FLT3: variants seen among roughly 807,000 people sequenced by gnomAD.
FLT3 encodes fms related receptor tyrosine kinase 3.
In FLT3, 46 loss-of-function variants were observed where a neutral mutation model predicts 126.6. That is an observed-to-expected ratio of 0.36 (90% CI 0.29 to 0.46). The LOEUF (loss-of-function observed/expected upper bound fraction) is 0.46, where lower values mean the gene tolerates loss of function less well. Among genes scored for constraint, FLT3 ranks in the 20% least tolerant of loss-of-function variants. The probability of loss-of-function intolerance (pLI) is 1.00; values close to 1 mark genes in which losing one functional copy is unlikely to be tolerated. For missense variants in FLT3, 1,069 were observed against 1,190.3 expected (o/e 0.90, Z 1.50); for synonymous variants, 404 against 434.4 (o/e 0.93, Z 0.87).
chr13:28,062,451 A>G (rs1291261061), intron 2 of FLT3, among the ~76,000 whole-genome samples: 2 of 152,150 alleles, frequency 1.3e-5, no homozygotes, highest in Middle Eastern at 3.4e-3. Flanking sequence ...GTGTCCTTAT[A>G]AGAAGAGGAG....
At chr13:28,052,428 A>C in intron 5 of FLT3, 117 bp downstream of exon 5, 8 of 1,121,930 alleles carry the variant, frequency 7.1e-6, no homozygotes, top group Non-Finnish European at 6.4e-6. Flanking sequence ...TTAAGAAGCC[A>C]AAGTTTCCTG....
At chr13:28,068,180 T>C (rs866510498) in intron 2 of FLT3, 4 of 152,824 alleles carry the variant, frequency 2.6e-5, no homozygotes, top group Admixed American at 6.6e-5. Flanking sequence ...TAAGGAGAGA[T>C]AATTTTAGAG....
At chr13:28,092,013 T>G (rs1429455693) in intron 1 of FLT3, among the ~76,000 whole-genome samples, 1 of 152,168 alleles carries the variant, frequency 6.6e-6, no homozygotes, top group Non-Finnish European at 1.5e-5. Flanking sequence ...GAGGTTGCAG[T>G]GAGCCAAGAT....
At position 28,049,606 on chromosome 13, in the gene FLT3, A is replaced by G. The variant is rs374823117; in HGVS notation, c.882+29T>C. The G allele has an allele frequency of 1.9e-5, 31 of 1,613,668 alleles. No individual in the cohort carries two copies. In the African/African-American group the frequency reaches 4.0e-4, roughly 21 times the overall value. On this transcript the variant is annotated intron_variant, in intron 7 of 23. Transcript: ENST00000241453. ...CAGACTATTAGTTAATTGTTCCTGCATTTTCAGAATACAAACTTGTCCTAT... is the reference window on the plus strand; with the variant it reads ...CAGACTATTAGTTAATTGTTCCTGCGTTTTCAGAATACAAACTTGTCCTAT...
intron 16 of FLT3, among the ~76,000 whole-genome samples, chr13:28,027,673 GC>G (rs1566066248): frequency 1.3e-5 from 2 of 152,202 alleles, no homozygotes; most frequent in Non-Finnish European, 2.9e-5. Context: ...CCCCAGGCCT[GC>G]TGCTGCAGAA....
intron 19 of FLT3, among the ~76,000 whole-genome samples, chr13:28,020,393 G>A (rs1227328286): frequency 6.6e-6 from 1 of 152,070 alleles, no homozygotes; most frequent in Non-Finnish European, 1.5e-5. Context: ...CTGTCACCCA[G>A]GCTGGAGTGC....
chr13:28,091,110 A>G (rs1879001158), intron 1 of FLT3, among the ~76,000 whole-genome samples: 1 of 151,664 alleles, frequency 6.6e-6, no homozygotes, highest in African/African-American at 2.4e-5. Context: ...TGTGAGGCAA[A>G]GAGTTGGAGA....
rs1218974636 is a variant in FLT3 at position 28,070,613 on chromosome 13, CTG to C, written c.44-3_44-2del. The stretch of plus-strand genomic sequence containing the variant: ...CCAAATATCATTGCAGAAAAAACAA[CTG>C]TAAAACAAAATAAAAATGATAATGT... On this transcript the variant is annotated splice_acceptor_variant and splice_polypyrimidine_tract_variant and intron_variant, in intron 1 of 23. Coordinates refer to ENST00000241453, the MANE Select transcript of FLT3 (RefSeq NM_004119.3). LOFTEE classifies it high-confidence loss of function. 1.3e-6 allele frequency: 2 copies of C among 1,593,664 alleles called. No individual in the cohort carries two copies. Among genetic ancestry groups the C allele is most frequent in the Non-Finnish European group, 1.7e-6 (2 of 1,165,174 alleles).
intron 1 of FLT3, among the ~76,000 whole-genome samples, chr13:28,072,398 TCTC>T (rs1442545273): frequency 2.6e-5 from 4 of 152,042 alleles, no homozygotes; most frequent in Non-Finnish European, 4.4e-5. Context: ...GCTCTCTCTC[TCTC>T]TTTTTTTTAA....
At chr13:28,004,494 CAA>C (rs974356169) in intron 23 of FLT3, among the ~76,000 whole-genome samples, 19 of 152,004 alleles carry the variant, frequency 1.2e-4, no homozygotes, top group African/African-American at 4.6e-4. Context: ...TTTGTAAAGA[CAA>C]AGTCTCACTA....
intron 15 of FLT3, among the ~76,000 whole-genome samples, chr13:28,032,950 G>T (rs930297932): frequency 6.6e-6 from 1 of 152,188 alleles, no homozygotes; most frequent in Non-Finnish European, 1.5e-5. Context: ...GGTGGTAACG[G>T]TGAGGCCAGC....
chr13:28,049,680 A>G lies in FLT3; in HGVS notation c.837T>C (p.His279=), dbSNP rs140893123. The G allele has an allele frequency of 1.5e-5, 25 of 1,614,070 alleles. No homozygotes were observed. The highest frequency in any genetic ancestry group is 1.9e-5 in the Non-Finnish European group (23 of 1,180,028). The change falls in exon 7 of 24, where the codon CAT becomes CAC. Residue 279 remains histidine (H), a synonymous_variant. Coordinates refer to ENST00000241453, the MANE Select transcript of FLT3 (RefSeq NM_004119.3). ...CTAATTCCCAGGTGAGCCCGAATCC[A>G]TGGTTCACATGAACAGCTTTGCACC... ...WIRCKAVHVN[H]GFGLTWELEN...
At chr13:28,084,795 G>GA (rs1285755281) in intron 1 of FLT3, among the ~76,000 whole-genome samples, 1 of 151,908 alleles carries the variant, frequency 6.6e-6, no homozygotes, top group Non-Finnish European at 1.5e-5. Flanking sequence ...CTAACACGGT[G>GA]AAACCCCGTC....
At chr13:28,034,264 A>T (rs1873628409) in intron 13 of FLT3, 37 bp downstream of exon 13, 1 of 1,613,256 alleles carries the variant, frequency 6.2e-7, no homozygotes, top group South Asian at 1.1e-5. Flanking sequence ...TTCTGCAGAT[A>T]GAGGAAAGAA....
intron 1 of FLT3, among the ~76,000 whole-genome samples, chr13:28,080,308 G>A (rs1206948187): frequency 2.0e-5 from 3 of 152,220 alleles, no homozygotes; most frequent in East Asian, 1.9e-4. Context: ...CCCAGGAGGT[G>A]GAGATTGCAG....
chr13:28,003,966 T>C lies in FLT3; in HGVS notation c.*86A>G. 6.8e-7 allele frequency: 1 copy of C among 1,478,224 alleles called. No individual in the cohort carries two copies. Among genetic ancestry groups the C allele is most frequent in the South Asian group, 1.2e-5 (1 of 86,166 alleles). 91.6% of individuals were successfully genotyped at this position (1,478,224 alleles called of 1,614,324 possible). A position where few individuals can be genotyped will look rare whatever the true frequency, so the allele number is the denominator to read the frequency against. ...CAGCAGTTGATAATAGATTTTCTTT[T>C]AGTGATGAAATTAATCTTGTTTTGG... is the stretch of plus-strand genomic sequence containing the variant. On this transcript the variant is annotated 3_prime_UTR_variant, in exon 24 of 24. Coordinates refer to ENST00000241453, the MANE Select transcript of FLT3 (RefSeq NM_004119.3).
chr13:28,051,907 C>T (rs2137737434), intron 5 of FLT3, among the ~76,000 whole-genome samples: 1 of 151,574 alleles, frequency 6.6e-6, no homozygotes, highest in Middle Eastern at 3.4e-3. Flanking sequence ...TTTGCCCCAA[C>T]CAGATGCCCA....
chr13:28,028,378 A>T, intron 15 of FLT3, 90 bp from the exon 16 acceptor site: 1 of 691,202 alleles, frequency 1.4e-6, no homozygotes. Context: ...CTCAGAGTCA[A>T]TCTGCATTAT....
At chr13:28,071,651 T>G (rs570083768) in intron 1 of FLT3, among the ~76,000 whole-genome samples, 2 of 152,104 alleles carry the variant, frequency 1.3e-5, no homozygotes, top group African/African-American at 2.4e-5. Context: ...TCTCTGTAGG[T>G]GTATATTTAG....
Sources: gnomAD v4.1 joint callset for allele counts (sites outside exome capture counted in the v4.1 genomes callset) on GRCh38, gnomAD v4.1.1 for gene constraint, MANE v1.5 for transcripts, NCBI Gene and HGNC (gene_info 2026-07-23, HGNC 2026-07-21) for gene names.